The following ANXA6 variants were observed in gnomAD, a reference collection of about 807,000 sequenced individuals.
ANXA6 encodes the protein 67 kDa calelectrin.
ANXA6 carries 71 observed loss-of-function variants against 95.4 expected under a neutral mutation model. That is an observed-to-expected ratio of 0.74 (90% CI 0.61 to 0.91). The LOEUF is 0.91. Ranked by LOEUF, ANXA6 falls within the 40% of genes least tolerant of loss-of-function variation. The pLI is 0.00. For missense variants in ANXA6, 830 were observed against 876.4 expected, an observed-to-expected ratio of 0.95 and a Z score of 0.67; for synonymous variants, 289 against 315.9, an observed-to-expected ratio of 0.91 and a Z score of 0.90.
chr5:151,114,229 T>C (rs1764931002), intron 20 of ANXA6, among the ~76,000 whole-genome samples: 1 of 152,188 alleles, frequency 6.6e-6, no homozygotes, highest in Non-Finnish European at 1.5e-5. Flanking sequence ...GCATTAAGTC[T>C]GTGAAGATAC....
chr5:151,147,828 GGATCC>G, intron 2 of ANXA6, 51 bp downstream of exon 2: 2 of 1,563,990 alleles, frequency 1.3e-6, no homozygotes, highest in Non-Finnish European at 1.7e-6. Context: ...GGCTCCAGGA[GGATCC>G]CAGGCCCAGA....
chr5:151,107,282 CA>C (rs1305246034), intron 23 of ANXA6, among the ~76,000 whole-genome samples: 1 of 152,258 alleles, frequency 6.6e-6, no homozygotes, highest in Non-Finnish European at 1.5e-5. Context: ...TTCAGCCTCA[CA>C]AAATCCACCC....
chr5:151,109,090 G>A (rs1226742299), intron 22 of ANXA6, among the ~76,000 whole-genome samples: 1 of 152,080 alleles, frequency 6.6e-6, no homozygotes, highest in Non-Finnish European at 1.5e-5. Context: ...GAGCTCAGGC[G>A]CAGAGATTCG....
chr5:151,135,287 C>CA (rs2113937140), intron 7 of ANXA6, among the ~76,000 whole-genome samples: 1 of 152,258 alleles, frequency 6.6e-6, no homozygotes, highest in South Asian at 2.1e-4. Context: ...CTTGAGGATA[C>CA]AAAACGCTTG....
chr5:151,109,979 G>A lies in ANXA6; in HGVS notation c.1591-133C>T, dbSNP rs79759460. 6.2e-3 allele frequency: 4,137 copies of A among 665,978 alleles called. 108 individuals carry two copies. The African/African-American group carries it at 0.064, about 10-fold the overall frequency. 41.3% of individuals were successfully genotyped at this position (665,978 alleles called of 1,614,324 possible). The stretch of plus-strand genomic sequence containing the variant: ...GCTCACCCAGCCATCCAAGGGGGCC[G>A]AGACTGGTCCCCTCTTCCTTCCTCA... On this transcript the variant is annotated intron_variant, in intron 21 of 25. Transcript: ENST00000354546.
intron 6 of ANXA6, 92 bp downstream of exon 6, chr5:151,137,139 A>G: frequency 1.9e-6 from 2 of 1,047,328 alleles, no homozygotes; most frequent in Non-Finnish European, 2.9e-6. Context: ...GGAGGAGAGA[A>G]GGTAGATGGC....
chr5:151,138,847 C>T (rs1026529765), intron 4 of ANXA6, 56 bp from the exon 5 acceptor site: 12 of 1,233,520 alleles, frequency 9.7e-6, no homozygotes, highest in East Asian at 2.4e-5. Flanking sequence ...GTAGTTACAA[C>T]GGTAAGAATT....
At chr5:151,105,941 T>C (rs1764683856) in intron 23 of ANXA6, among the ~76,000 whole-genome samples, 1 of 152,298 alleles carries the variant, frequency 6.6e-6, no homozygotes, top group East Asian at 1.9e-4. Context: ...CAATGACTTT[T>C]GCACCAACCT....
chr5:151,157,204 G>A (rs1319254352), intron 1 of ANXA6, among the ~76,000 whole-genome samples: 1 of 152,020 alleles, frequency 6.6e-6, no homozygotes, highest in East Asian at 1.9e-4. Flanking sequence ...GCCCTCCCCC[G>A]ACACCACACA....
chr5:151,124,332 G>A lies in ANXA6; in HGVS notation c.1092C>T (p.Asn364=). The A allele has an allele frequency of 6.2e-7, 1 of 1,613,358 alleles. No individual in the cohort carries two copies. Among genetic ancestry groups the A allele is most frequent in the Non-Finnish European group, 8.5e-7 (1 of 1,179,706 alleles). ...GCAGCGCTTTGGCATCTGCGTCAGGGTTGAAGTCATTGGCTGGGCGCACAG... is the reference window on the plus strand; with the variant it reads ...GCAGCGCTTTGGCATCTGCGTCAGGATTGAAGTCATTGGCTGGGCGCACAG... ...KGTVRPANDF[N]PDADAKALRK... Residue 364 remains asparagine, a synonymous_variant, in exon 15 of 26, where the codon AAC becomes AAT. Transcript: ENST00000354546.
At chr5:151,116,523 G>A (rs1765003125) in intron 20 of ANXA6, among the ~76,000 whole-genome samples, 2 of 152,234 alleles carry the variant, frequency 1.3e-5, no homozygotes, top group South Asian at 4.1e-4. Context: ...AGGCTAAGGA[G>A]CAGGGCTGAG....
intron 25 of ANXA6, 49 bp from the exon 26 acceptor site, chr5:151,101,556 A>G (rs1330310969): frequency 2.0e-6 from 3 of 1,490,594 alleles, no homozygotes; most frequent in Non-Finnish European, 2.7e-6. Flanking sequence ...TTCCAGTCTC[A>G]ATGCCCCCTC....
At chr5:151,103,018 A>G (rs1764590943) in intron 25 of ANXA6, among the ~76,000 whole-genome samples, 2 of 152,176 alleles carry the variant, frequency 1.3e-5, no homozygotes, top group South Asian at 4.1e-4. Flanking sequence ...TGTTTTTGAG[A>G]TGGAGTCTTG....
chr5:151,136,615 C>T (rs1765670831), intron 6 of ANXA6, among the ~76,000 whole-genome samples: 1 of 152,190 alleles, frequency 6.6e-6, no homozygotes. Context: ...CCTCTATTCT[C>T]AATTCCTTTC....
At chr5:151,143,531 GA>G (rs1201514717) in intron 2 of ANXA6, among the ~76,000 whole-genome samples, 1 of 152,118 alleles carries the variant, frequency 6.6e-6, no homozygotes, top group African/African-American at 2.4e-5. Context: ...AACATTTACT[GA>G]GAGTCTACTA....
intron 2 of ANXA6, among the ~76,000 whole-genome samples, chr5:151,141,947 C>A (rs113983198): frequency 2.6e-5 from 4 of 152,190 alleles, no homozygotes; most frequent in Admixed American, 2.6e-4. Context: ...TTCTCCACCC[C>A]GGTGGGCAGT....
intron 20 of ANXA6, 84 bp from the exon 21 acceptor site, chr5:151,110,728 G>A (rs1764826189): frequency 1.3e-6 from 2 of 1,500,318 alleles, no homozygotes; most frequent in Admixed American, 1.7e-5. Flanking sequence ...GGGGCCCTGG[G>A]GTGCAGGGTG....
intron 16 of ANXA6, 100 bp from the exon 17 acceptor site, chr5:151,122,360 G>T: frequency 1.5e-6 from 1 of 670,844 alleles, no homozygotes; most frequent in South Asian, 1.8e-5. Flanking sequence ...TCCACATGAG[G>T]GATCATGGAA....
chr5:151,140,950 G>A (rs1765819129), intron 2 of ANXA6, among the ~76,000 whole-genome samples: 1 of 152,204 alleles, frequency 6.6e-6, no homozygotes, highest in African/African-American at 2.4e-5. Context: ...AGCTACTGAG[G>A]GTGGGGTCCT....
Sources: allele counts gnomAD v4.1 joint callset (sites outside exome capture counted in the v4.1 genomes callset), GRCh38; gene constraint gnomAD v4.1.1; transcripts MANE v1.5; gene names NCBI Gene and HGNC (gene_info 2026-07-23, HGNC 2026-07-21).